The following MAP1LC3A variants were observed in gnomAD, a reference collection of about 807,000 sequenced individuals.
The protein encoded by MAP1LC3A is microtubule associated protein 1 light chain 3 alpha, also known as microtubule-associated protein 1 light chain 3 alpha.
Under a neutral mutation model 15.2 loss-of-function variants are expected in MAP1LC3A, and 10 were observed. The ratio of observed to expected loss-of-function variants is 0.66; its 90% confidence interval spans 0.41 to 1.12. The LOEUF (loss-of-function observed/expected upper bound fraction) is 1.12. MAP1LC3A is among the 50% of genes most tolerant of loss of function. The pLI is 0.00. For synonymous variants in MAP1LC3A, 63 were observed against 64.3 expected, an observed-to-expected ratio of 0.98 and a Z score of 0.10; for missense variants, 138 against 167.3, an observed-to-expected ratio of 0.82 and a Z score of 0.97.
intron 2 of MAP1LC3A, among the ~76,000 whole-genome samples, chr20:34,550,768 G>A (rs1019524087): frequency 2.9e-4 from 44 of 152,116 alleles, no homozygotes; most frequent in African/African-American, 9.9e-4. Context: ...TCTCCTATTC[G>A]TCCAAGTGAA....
intron 1 of MAP1LC3A, 97 bp from the exon 2 acceptor site, chr20:34,559,111 C>A: frequency 7.3e-7 from 1 of 1,363,756 alleles, no homozygotes; most frequent in Non-Finnish European, 9.5e-7. Flanking sequence ...GGGGTGGGGG[C>A]TGGAGCTGGG....
chr20:34,555,824 G>GC (rs1444202288), upstream of MAP1LC3A, among the ~76,000 whole-genome samples: 5 of 148,984 alleles, frequency 3.4e-5, no homozygotes, highest in African/African-American at 1.2e-4. Context: ...GCCTGCCATG[G>GC]CCCCCCTCCC....
intron 2 of MAP1LC3A, among the ~76,000 whole-genome samples, chr20:34,552,057 G>A (rs1224231201): frequency 3.3e-5 from 5 of 152,184 alleles, no homozygotes; most frequent in Admixed American, 3.3e-4. Flanking sequence ...AGAGTGCAGT[G>A]TGCGATCTCG....
chr20:34,556,038 T>C (rs559569050), upstream of MAP1LC3A, among the ~76,000 whole-genome samples: 56 of 151,602 alleles, frequency 3.7e-4, no homozygotes, highest in African/African-American at 1.3e-3. Context: ...GAGACGGGGT[T>C]TCACCATGTT....
intron 1 of MAP1LC3A, 28 bp from the exon 2 acceptor site, chr20:34,559,180 G>A (rs1419855852): frequency 5.8e-6 from 9 of 1,553,124 alleles, no homozygotes; most frequent in Admixed American, 5.6e-5. Context: ...GGCCCGACCC[G>A]GCCTCACGGT....
At chr20:34,556,688 G>C (rs1253011354), upstream of MAP1LC3A, among the ~76,000 whole-genome samples, 1 of 151,830 alleles carries the variant, frequency 6.6e-6, no homozygotes, top group Non-Finnish European at 1.5e-5. Context: ...CCTCCGCCTA[G>C]CAGGTTCAAG....
At chr20:34,549,208 T>A (rs1365187583) in intron 1 of MAP1LC3A, among the ~76,000 whole-genome samples, 1 of 151,846 alleles carries the variant, frequency 6.6e-6, no homozygotes, top group Admixed American at 6.6e-5. Flanking sequence ...GTATTTTTAG[T>A]AGAGAAGGGG....
At chr20:34,551,030 G>A (rs1283806284) in intron 2 of MAP1LC3A, among the ~76,000 whole-genome samples, 2 of 151,886 alleles carry the variant, frequency 1.3e-5, no homozygotes, top group East Asian at 1.9e-4. Flanking sequence ...GGTAGATCAG[G>A]AGGTCAGGAG....
At chr20:34,558,339 A>C (rs1479316964), upstream of MAP1LC3A, 1 of 986,648 alleles carries the variant, frequency 1.0e-6, no homozygotes, top group Non-Finnish European at 1.2e-6. The surrounding 1 kb of genome is among the most constrained non-coding windows in gnomAD (Gnocchi z 4.3). Context: ...TCTCGCCCTA[A>C]GCCCCGTGAA....
At chr20:34,551,504 T>C (rs1337197482) in intron 2 of MAP1LC3A, among the ~76,000 whole-genome samples, 1 of 144,190 alleles carries the variant, frequency 6.9e-6, no homozygotes, top group African/African-American at 2.6e-5. Context: ...CTTGCTGTGT[T>C]GCCCACAGTC....
upstream of MAP1LC3A, among the ~76,000 whole-genome samples, chr20:34,556,470 T>C (rs1982162139): frequency 1.3e-5 from 2 of 152,206 alleles, no homozygotes; most frequent in African/African-American, 4.8e-5. Context: ...GATTAGTAAC[T>C]GTATTAACAT....
intron 1 of MAP1LC3A, 117 bp downstream of exon 1, chr20:34,559,025 C>T: frequency 7.5e-7 from 1 of 1,335,846 alleles, no homozygotes; most frequent in Non-Finnish European, 9.5e-7. Context: ...GGGCTGGGAC[C>T]AGCTCCGGCC....
chr20:34,557,767 A>G (rs1352330210), upstream of MAP1LC3A, among the ~76,000 whole-genome samples: 1 of 152,078 alleles, frequency 6.6e-6, no homozygotes, highest in Non-Finnish European at 1.5e-5. Flanking sequence ...TCTACTAAAA[A>G]TACAATAATT....
intron 2 of MAP1LC3A, among the ~76,000 whole-genome samples, chr20:34,551,176 CAGAAGGTGGAGGTTGCAGTG>C (rs2146670959): frequency 6.6e-6 from 1 of 151,704 alleles, no homozygotes; most frequent in East Asian, 2.0e-4. Flanking sequence ...CACTTGAACC[CAGAAGGTGGAGGTTGCAGTG>C]AGCCAAGATC....
chr20:34,548,775 G>A (rs1204146701), intron 1 of MAP1LC3A, among the ~76,000 whole-genome samples: 2 of 150,546 alleles, frequency 1.3e-5, no homozygotes. Context: ...GCACAATCTC[G>A]ACTCACTAAA....
chr20:34,549,066 C>T (rs1436565069), intron 1 of MAP1LC3A, among the ~76,000 whole-genome samples: 7 of 151,916 alleles, frequency 4.6e-5, no homozygotes, highest in Non-Finnish European at 8.8e-5. Context: ...GTCTCTATCA[C>T]CCAGGCTAGA....
At chr20:34,558,325 C>A, upstream of MAP1LC3A, 2 of 986,550 alleles carry the variant, frequency 2.0e-6, no homozygotes, top group Non-Finnish European at 2.4e-6. This position sits in a 1 kb window ranked among gnomAD's most constrained non-coding sequence, Gnocchi z 4.3. Flanking sequence ...CACCTTCTCC[C>A]TTCTCTCGCC....
chr20:34,558,369 C>A, upstream of MAP1LC3A: 1 of 988,048 alleles, frequency 1.0e-6, no homozygotes, highest in Non-Finnish European at 1.2e-6. The surrounding 1 kb of genome is among the most constrained non-coding windows in gnomAD (Gnocchi z 4.3). Flanking sequence ...CCTTTGGCTC[C>A]GGCTGTTTCC....
chr20:34,556,544 C>T (rs547306116), upstream of MAP1LC3A, among the ~76,000 whole-genome samples: 1 of 150,956 alleles, frequency 6.6e-6, no homozygotes, highest in East Asian at 1.9e-4. Context: ...CTTATGTCTC[C>T]CTATGATGGA....
Sources: allele counts gnomAD v4.1 joint callset (sites outside exome capture counted in the v4.1 genomes callset), GRCh38; gene constraint gnomAD v4.1.1; non-coding constraint Gnocchi (gnomAD v3.1); transcripts MANE v1.5; gene names NCBI Gene and HGNC (gene_info 2026-07-23, HGNC 2026-07-21).